Variants in PCMT1 observed in about 807,000 individuals in gnomAD.
The protein encoded by PCMT1 is protein-L-isoaspartate(D-aspartate) O-methyltransferase.
A neutral mutation model predicts 29.2 loss-of-function variants in PCMT1; 9 were observed. That is an observed-to-expected ratio of 0.31 (90% CI 0.19 to 0.54). The LOEUF is 0.54. PCMT1 is among the 20% of genes least tolerant of loss of function. PCMT1 has a pLI of 0.95. For missense variants in PCMT1, 184 were observed against 282.2 expected (o/e 0.65, Z 2.49); for synonymous variants, 98 against 97.5 (o/e 1.00, Z -0.03).
intron 1 of PCMT1, among the ~76,000 whole-genome samples, chr6:149,757,857 G>GT (rs1402025241): frequency 6.6e-6 from 1 of 151,928 alleles, no homozygotes; most frequent in African/African-American, 2.4e-5. Context: ...GTGGTCCCTT[G>GT]TACCTAGATT....
At position 149,762,886 on chromosome 6, in the gene PCMT1, T is replaced by C. The variant is rs1357671737; in HGVS notation, c.56-8276T>C. ...ATATATATATCTATGATATATATGT[T>C]ATATATATCTATGATATATATCTAT... On this transcript the variant is annotated intron_variant, in intron 1 of 7. Coordinates refer to ENST00000464889, the MANE Select transcript of PCMT1 (RefSeq NM_001360452.2). Among the ~76,000 whole-genome samples the C allele has an allele frequency of 4.1e-4, 24 of 57,896 alleles. 7 individuals are homozygous for C. In the South Asian group the frequency reaches 8.0e-3, roughly 19 times the overall value. 38.0% of individuals were successfully genotyped at this position (57,896 alleles called of 152,430 possible). A position where few individuals can be genotyped will look rare whatever the true frequency, so the allele number is the denominator to read the frequency against.
chr6:149,780,515 C>A (rs567462312), intron 3 of PCMT1, among the ~76,000 whole-genome samples: 2 of 152,296 alleles, frequency 1.3e-5, no homozygotes, highest in East Asian at 3.9e-4. Context: ...CAGATCCCAA[C>A]CCCTGCTCTG....
At chr6:149,766,767 T>C (rs951736341) in intron 1 of PCMT1, among the ~76,000 whole-genome samples, 1 of 152,194 alleles carries the variant, frequency 6.6e-6, no homozygotes, top group Non-Finnish European at 1.5e-5. Context: ...TTTTCTGGTG[T>C]CTCTTTGTAA....
At chr6:149,779,160 C>T (rs144463248) in intron 3 of PCMT1, among the ~76,000 whole-genome samples, 275 of 152,236 alleles carry the variant, frequency 1.8e-3, no homozygotes, top group African/African-American at 6.4e-3. Context: ...TGAGGCACAG[C>T]GAGTTCTTGC....
chr6:149,768,917 G>A lies in PCMT1; in HGVS notation c.56-2245G>A, dbSNP rs376904124. Among the ~76,000 whole-genome samples, 4 of 152,138 alleles carry A rather than the reference G, an allele frequency of 2.6e-5. No homozygotes were observed. In the East Asian group the frequency reaches 5.8e-4, roughly 22 times the overall value. On this transcript the variant is annotated intron_variant, in intron 1 of 7. Coordinates refer to ENST00000464889, the MANE Select transcript of PCMT1 (RefSeq NM_001360452.2). ...GCTAGGATTACGGACGTTAGCCACC[G>A]CGCCAGCCTGGCTAATTATTTTTGC... is the stretch of plus-strand genomic sequence containing the variant.
intron 7 of PCMT1, among the ~76,000 whole-genome samples, chr6:149,803,837 T>C (rs1775928034): frequency 6.6e-6 from 1 of 150,672 alleles, no homozygotes; most frequent in Non-Finnish European, 1.5e-5. Flanking sequence ...TCCAGGCATT[T>C]TGGGAGGCTG....
chr6:149,759,975 A>G (rs1433591813), intron 1 of PCMT1, among the ~76,000 whole-genome samples: 1 of 152,242 alleles, frequency 6.6e-6, no homozygotes, highest in Admixed American at 6.5e-5. Context: ...CCCTTTCACC[A>G]TATTTTCATT....
intron 7 of PCMT1, among the ~76,000 whole-genome samples, chr6:149,808,850 A>T (rs942948297): frequency 6.6e-6 from 1 of 151,720 alleles, no homozygotes. Context: ...GTTAGCCAGG[A>T]TGGTCTCGAT....
chr6:149,749,752 A>G lies in PCMT1; in HGVS notation c.-150A>G, dbSNP rs753975909. The G allele has an allele frequency of 8.4e-6, 13 of 1,545,936 alleles. No individual in the cohort carries two copies. The highest frequency in any genetic ancestry group is 1.1e-5 in the Non-Finnish European group (13 of 1,144,672). On this transcript the variant is annotated 5_prime_UTR_variant, in exon 1 of 8. Transcript: ENST00000464889. ...GATGCCGGGAGCGCGCAGTGGCGGC[A>G]GCGGCGGCGACGGCAGTAACAGCGG...
At position 149,771,183 on chromosome 6, in the gene PCMT1, A is replaced by G; in HGVS notation, c.77A>G (p.Asp26Gly). 6.2e-7 allele frequency: 1 copy of G among 1,610,546 alleles called. No individual in the cohort carries two copies. The highest frequency in any genetic ancestry group is 8.5e-7 in the Non-Finnish European group (1 of 1,177,056). Residue 26 changes from aspartate (D) to glycine (G), a missense_variant, in exon 2 of 8, where the codon GAT (aspartate) becomes GGT (glycine). Coordinates refer to ENST00000464889, the MANE Select transcript of PCMT1 (RefSeq NM_001360452.2). Reference sequence around the variant, plus strand: ...TCAGAAAATGGAATCATCAAGACAGATAAAGTATTTGAAGTGATGCTGGCT... The same window carrying G: ...TCAGAAAATGGAATCATCAAGACAGGTAAAGTATTTGAAGTGATGCTGGCT... ...NLRKNGIIKT[D>G]KVFEVMLATD...
At chr6:149,781,531 T>A (rs1048021675) in intron 3 of PCMT1, among the ~76,000 whole-genome samples, 3 of 152,036 alleles carry the variant, frequency 2.0e-5, no homozygotes, top group African/African-American at 2.4e-5. Context: ...GGCCAAAAAA[T>A]TTTTTTTAAA....
intron 7 of PCMT1, among the ~76,000 whole-genome samples, chr6:149,805,301 A>G (rs1775973857): frequency 6.6e-6 from 1 of 152,228 alleles, no homozygotes; most frequent in Admixed American, 6.5e-5. Context: ...TTAAATGTAT[A>G]CCTGCTTTTA....
intron 1 of PCMT1, among the ~76,000 whole-genome samples, chr6:149,759,631 A>G (rs1165711853): frequency 6.6e-6 from 1 of 152,084 alleles, no homozygotes; most frequent in Admixed American, 6.6e-5. Context: ...AGTAGCAGAG[A>G]TTACGGGCAC....
chr6:149,764,823 C>T (rs1348120672), intron 1 of PCMT1, among the ~76,000 whole-genome samples: 1 of 150,880 alleles, frequency 6.6e-6, no homozygotes, highest in Admixed American at 6.6e-5. Context: ...GGGTAGATCA[C>T]GAGATCAGAA....
At chr6:149,762,268 G>T (rs1162796237) in intron 1 of PCMT1, among the ~76,000 whole-genome samples, 1 of 151,296 alleles carries the variant, frequency 6.6e-6, no homozygotes, top group African/African-American at 2.4e-5. Context: ...TTTTCATTTG[G>T]ATCAGTTGCA....
intron 3 of PCMT1, among the ~76,000 whole-genome samples, chr6:149,777,951 A>G (rs1222602043): frequency 1.5e-5 from 2 of 132,728 alleles, no homozygotes; most frequent in Non-Finnish European, 3.1e-5. Flanking sequence ...ATCTTGGCTT[A>G]CTGCAACCTC....
intron 4 of PCMT1, among the ~76,000 whole-genome samples, chr6:149,790,519 T>TC (rs995382156): frequency 2.7e-5 from 4 of 150,608 alleles, no homozygotes; most frequent in African/African-American, 4.9e-5. Context: ...TTCTTTTCTT[T>TC]TTTTTTTTTT....
At chr6:149,796,721 C>A (rs1390887860) in intron 6 of PCMT1, 6 of 416,698 alleles carry the variant, frequency 1.4e-5, no homozygotes, top group Non-Finnish European at 2.5e-5. Flanking sequence ...ATATTTGATC[C>A]AGGTAAGAAC....
At chr6:149,808,851 T>C (rs1249036675) in intron 7 of PCMT1, among the ~76,000 whole-genome samples, 1 of 151,890 alleles carries the variant, frequency 6.6e-6, no homozygotes, top group East Asian at 2.0e-4. Flanking sequence ...TTAGCCAGGA[T>C]GGTCTCGATC....
Sources: allele counts gnomAD v4.1 joint callset (sites outside exome capture counted in the v4.1 genomes callset), GRCh38; gene constraint gnomAD v4.1.1; transcripts MANE v1.5; gene names NCBI Gene and HGNC (gene_info 2026-07-23, HGNC 2026-07-21).